The following DSC3 variants were observed in gnomAD, a reference collection of about 807,000 sequenced individuals.
DSC3 encodes desmocollin-3.
In DSC3, 97 loss-of-function variants were observed where a neutral mutation model predicts 89.5. The observed-to-expected ratio is 1.08, with a 90% confidence interval of 0.92 to 1.28. DSC3 has a LOEUF of 1.28. Ranked by LOEUF, DSC3 falls within the 50% of genes most tolerant of loss-of-function variation. The pLI is 0.00. For synonymous variants in DSC3, 436 were observed against 384.1 expected, an observed-to-expected ratio of 1.14 and a Z score of -1.58; for missense variants, 1,199 against 1,085.3, an observed-to-expected ratio of 1.10 and a Z score of -1.47.
intron 7 of DSC3, among the ~76,000 whole-genome samples, chr18:31,020,576 T>C (rs540360131): frequency 4.2e-4 from 64 of 152,192 alleles, no homozygotes; most frequent in African/African-American, 1.4e-3. Flanking sequence ...TCTTTTATTT[T>C]TCTTCATTTT....
At chr18:31,010,327 T>G (rs1598536281) in intron 9 of DSC3, among the ~76,000 whole-genome samples, 2 of 152,230 alleles carry the variant, frequency 1.3e-5, no homozygotes, top group East Asian at 3.8e-4. Context: ...TGTGCTGGTG[T>G]GATCACACAG....
chr18:31,001,793 T>C (rs1984674236), intron 13 of DSC3, 54 bp from the exon 14 acceptor site: 1 of 1,367,254 alleles, frequency 7.3e-7, no homozygotes, highest in South Asian at 1.5e-5. Context: ...TAGAATAAAA[T>C]AATCATCATT....
intron 2 of DSC3, among the ~76,000 whole-genome samples, chr18:31,031,514 A>T (rs1250729429): frequency 6.6e-6 from 1 of 152,212 alleles, no homozygotes; most frequent in South Asian, 2.1e-4. Context: ...CTGAATAAAC[A>T]TATAGAAGAG....
chr18:31,012,776 T>C (rs1985113993), intron 9 of DSC3, among the ~76,000 whole-genome samples: 1 of 152,182 alleles, frequency 6.6e-6, no homozygotes, highest in Non-Finnish European at 1.5e-5. Context: ...TTAATAGCAA[T>C]TATAGAAAAG....
At position 31,008,516 on chromosome 18, in the gene DSC3, A is replaced by G. The variant is rs762608855; in HGVS notation, c.1273T>C (p.Tyr425His). 9 of 1,614,100 alleles carry G rather than the reference A, an allele frequency of 5.6e-6. No homozygotes were observed. The Admixed American group carries it at 1.5e-4, about 27-fold the overall frequency. ...AGGTTCACTTGACGGTTTTCTTCAT[A>G]ATTCAGTGGCTTTAAAATAAAGTCC... ...GVLSVVKPLNYEENRQVNLEI... is the reference protein window; with the variant it reads ...GVLSVVKPLNHEENRQVNLEI... The change falls in exon 10 of 16, where the codon TAT becomes CAT. Residue 425 changes from tyrosine to histidine, a missense_variant. Coordinates refer to ENST00000360428, the MANE Select transcript of DSC3 (RefSeq NM_001941.5).
rs1377770595 is a variant in DSC3 at position 31,018,195 on chromosome 18, T to C, written c.1139A>G (p.Asp380Gly). The C allele has an allele frequency of 1.2e-6, 2 of 1,612,528 alleles. No individual in the cohort carries two copies. Among genetic ancestry groups the C allele is most frequent in the South Asian group, 1.1e-5 (1 of 90,990 alleles). Residue 380 changes from aspartate (D) to glycine (G), a missense_variant, in exon 9 of 16, where the codon GAT becomes GGT. Physicochemically the swap from Asp to Gly is moderately conservative, Grantham distance 94 (BLOSUM62 -1). Coordinates refer to ENST00000360428, the MANE Select transcript of DSC3 (RefSeq NM_001941.5). ...ATTGGCAGTGTTAATTAAATCCTTA[T>C]CTTCTATAGGTATTCGTAAGATTTC... Reference protein sequence around the residue: ...NVEILRIPIEDKDLINTANWR... With the variant: ...NVEILRIPIEGKDLINTANWR...
At chr18:30,996,468 G>A (rs79419157) in intron 15 of DSC3, among the ~76,000 whole-genome samples, 1 of 152,042 alleles carries the variant, frequency 6.6e-6, no homozygotes, top group African/African-American at 2.4e-5. Flanking sequence ...GTTTGTAATT[G>A]TGAGGAACTA....
chr18:30,995,971 T>TAAAAAA (rs1196444633), intron 15 of DSC3, among the ~76,000 whole-genome samples: 1,097 of 36,968 alleles, frequency 0.03, 66 homozygotes, highest in Non-Finnish European at 0.035. Context: ...GACCCTGCCT[T>TAAAAAA]AAAAAAAAAA....
intron 7 of DSC3, among the ~76,000 whole-genome samples, chr18:31,019,472 T>C (rs276913): frequency 0.46 from 70,389 of 152,034 alleles, 16,905 homozygotes; most frequent in East Asian, 0.88. Flanking sequence ...AGCAGTTAGT[T>C]GAAACTCCCC....
At chr18:31,021,793 A>G (rs181277225) in intron 7 of DSC3, among the ~76,000 whole-genome samples, 7 of 152,314 alleles carry the variant, frequency 4.6e-5, no homozygotes, top group Admixed American at 3.3e-4. Context: ...GTCTAGTCAA[A>G]CAAAAATATT....
At chr18:31,027,470 T>TCCTTCCTTCCTTCCTC (rs1985636898) in intron 4 of DSC3, among the ~76,000 whole-genome samples, 1 of 150,604 alleles carries the variant, frequency 6.6e-6, no homozygotes, top group African/African-American at 2.5e-5. Flanking sequence ...TTGGTTTCCT[T>TCCTTCCTTCCTTCCTC]CCTTCCTTCC....
chr18:31,024,464 T>G lies in DSC3; in HGVS notation c.660A>C (p.Gly220=). 1.2e-6 allele frequency: 2 copies of G among 1,612,842 alleles called. No individual in the cohort carries two copies. The highest frequency in any genetic ancestry group is 1.7e-6 in the Non-Finnish European group (2 of 1,179,362). The change falls in exon 6 of 16, where the codon GGA becomes GGC. Residue 220 remains glycine (G), a synonymous_variant. Transcript: ENST00000360428. ...GTGGGAGGGGCAGATCTGCTGAATA[T>G]CCATCTGCAGTTGACGCATAAGCAA... ...DLIAYASTAD[G]YSADLPLPLP...
chr18:31,015,491 G>C (rs967799604), intron 9 of DSC3, among the ~76,000 whole-genome samples: 2 of 152,170 alleles, frequency 1.3e-5, no homozygotes, highest in Middle Eastern at 3.4e-3. Context: ...TTAAAAATTA[G>C]AGTATATTCT....
Position 31,018,728 on chromosome 18 carries a change from A to T in DSC3, c.1015T>A (p.Ser339Thr), listed in dbSNP as rs760669211. The change falls in exon 8 of 16, where the codon TCA becomes ACA. Residue 339 changes from serine to threonine, a missense_variant. Coordinates refer to ENST00000360428, the MANE Select transcript of DSC3 (RefSeq NM_001941.5). ...TCTGTTACTGTTATGATACAAGTTG[A>T]TGTGCCTATCAATCCAAAAAACTGG... ...DGQFFGLIGTSTCIITVTDSN... is the reference protein window; with the variant it reads ...DGQFFGLIGTTTCIITVTDSN... The T allele has an allele frequency of 1.2e-6, 2 of 1,613,700 alleles. No homozygotes were observed. Among genetic ancestry groups the T allele is most frequent in the East Asian group, 2.2e-5 (1 of 44,846 alleles).
chr18:31,009,726 A>G (rs1463479374), intron 9 of DSC3, among the ~76,000 whole-genome samples: 1 of 152,214 alleles, frequency 6.6e-6, no homozygotes, highest in Non-Finnish European at 1.5e-5. Flanking sequence ...TGAAGTAAGT[A>G]TTATTGACCT....
chr18:31,021,457 A>G (rs1985416187), intron 7 of DSC3, among the ~76,000 whole-genome samples: 1 of 152,084 alleles, frequency 6.6e-6, no homozygotes, highest in African/African-American at 2.4e-5. Flanking sequence ...CGTTTGTACT[A>G]CTTCTCAGTA....
chr18:31,037,725 C>T (rs970483967), intron 1 of DSC3, among the ~76,000 whole-genome samples: 1 of 152,080 alleles, frequency 6.6e-6, no homozygotes, highest in Non-Finnish European at 1.5e-5. Flanking sequence ...CATGGTGAAA[C>T]CTCGTCTCTA....
chr18:31,018,380 A>T, intron 8 of DSC3, 124 bp from the exon 9 acceptor site: 1 of 797,958 alleles, frequency 1.3e-6, no homozygotes, highest in Non-Finnish European at 1.9e-6. Flanking sequence ...AAAACTATGA[A>T]TCGTAAACAC....
At chr18:31,029,031 C>T (rs1295849898) in intron 4 of DSC3, among the ~76,000 whole-genome samples, 2 of 152,160 alleles carry the variant, frequency 1.3e-5, no homozygotes, top group African/African-American at 4.8e-5. Context: ...ATGTCTCCTT[C>T]TCTAAGCCTT....
Sources: allele counts gnomAD v4.1 joint callset (sites outside exome capture counted in the v4.1 genomes callset), GRCh38; gene constraint gnomAD v4.1.1; transcripts MANE v1.5; gene names NCBI Gene and HGNC (gene_info 2026-07-23, HGNC 2026-07-21).